Variants in BCAS3 observed in about 807,000 individuals in gnomAD.
BCAS3 encodes BCAS4/BCAS3 fusion.
In BCAS3, 53 loss-of-function variants were observed where a neutral mutation model predicts 116.1. That is an observed-to-expected ratio of 0.46 (90% confidence interval 0.37 to 0.57). The LOEUF (loss-of-function observed/expected upper bound fraction) is 0.57, where lower values mean the gene tolerates loss of function less well. Among genes scored for constraint, BCAS3 ranks in the 20% least tolerant of loss-of-function variants. The pLI is 0.00. For synonymous variants in BCAS3, 391 were observed against 408.2 expected (o/e 0.96, Z 0.51); for missense variants, 917 against 1,165.4 (o/e 0.79, Z 3.10).
chr17:61,385,369 CAT>C (rs1401350912), intron 23 of BCAS3, among the ~76,000 whole-genome samples: 13 of 152,242 alleles, frequency 8.5e-5, no homozygotes, highest in African/African-American at 3.1e-4. Flanking sequence ...GTTTGCAGGA[CAT>C]AAGGGCCCTG....
At chr17:61,108,962 C>T (rs1028117521) in intron 22 of BCAS3, among the ~76,000 whole-genome samples, 2 of 151,910 alleles carry the variant, frequency 1.3e-5, no homozygotes, top group East Asian at 1.9e-4. Context: ...CTGAGGTGGG[C>T]GGATCACGAG....
rs4968538 is a variant in BCAS3 at position 61,205,908 on chromosome 17, T to C, written c.2425+121344T>C. 0.89 allele frequency among the ~76,000 whole-genome samples: 134,816 copies of C among 151,888 alleles called. 60,449 individuals carry two copies. Among genetic ancestry groups the C allele is most frequent in the Non-Finnish European group, 0.96 (65,383 of 67,956 alleles). On this transcript the variant is annotated intron_variant, in intron 22 of 23. Transcript: ENST00000407086. The surrounding 1 kb of genome is among the most constrained non-coding windows in gnomAD (Gnocchi z 5.2). ...AAACACAACCAAAAAGACAGCCCTTTTGCTTAGTTAGGAAGATAATTTATG... is the reference window on the plus strand; with the variant it reads ...AAACACAACCAAAAAGACAGCCCTTCTGCTTAGTTAGGAAGATAATTTATG...
At position 61,095,565 on chromosome 17, in the gene BCAS3, C is replaced by CA. The variant is rs1236016151; in HGVS notation, c.2425+11003dup. On this transcript the variant is annotated intron_variant, in intron 22 of 23. Transcript: ENST00000407086. The surrounding 1 kb of genome is among the most constrained non-coding windows in gnomAD (Gnocchi z 4.7). The stretch of plus-strand genomic sequence containing the variant: ...TCATTGCAACCTCTGCCTCCAGGTT[C>CA]AAGTGCTTCTCCTGCCTCAGCCTCC... Among the ~76,000 whole-genome samples the CA allele has an allele frequency of 1.3e-5, 2 of 151,940 alleles. No individual in the cohort carries two copies. The highest frequency in any genetic ancestry group is 2.9e-5 in the Non-Finnish European group (2 of 67,994).
At chr17:60,766,254 G>A (rs994188225) in intron 6 of BCAS3, among the ~76,000 whole-genome samples, 3 of 152,150 alleles carry the variant, frequency 2.0e-5, no homozygotes, top group Non-Finnish European at 4.4e-5. Flanking sequence ...TGATCCTTTG[G>A]TGGAGAAGAA....
Position 60,788,554 on chromosome 17 carries a change from A to G in BCAS3, c.404-19450A>G, listed in dbSNP as rs142258909. Among the ~76,000 whole-genome samples the G allele has an allele frequency of 4.8e-3, 733 of 152,290 alleles. 8 individuals are homozygous for G. The highest frequency in any genetic ancestry group is 7.6e-3 in the Admixed American group (116 of 15,288). On this transcript the variant is annotated intron_variant, in intron 6 of 23. Coordinates refer to ENST00000407086, the MANE Select transcript of BCAS3 (RefSeq NM_017679.5). ...TAAAATGTGCACACATATTTTAGATATTTGAGGGAAATGGCAAAGATGTCT... is the reference window on the plus strand; with the variant it reads ...TAAAATGTGCACACATATTTTAGATGTTTGAGGGAAATGGCAAAGATGTCT...
At chr17:60,862,137 G>GCCATGCCA (rs1244881715) in intron 7 of BCAS3, among the ~76,000 whole-genome samples, 1 of 152,142 alleles carries the variant, frequency 6.6e-6, no homozygotes, top group Non-Finnish European at 1.5e-5. Flanking sequence ...CAAAAAATTA[G>GCCATGCCA]CCGGGCATGG....
chr17:61,089,088 C>T (rs1448647278), intron 22 of BCAS3, among the ~76,000 whole-genome samples: 1 of 152,054 alleles, frequency 6.6e-6, no homozygotes, highest in Non-Finnish European at 1.5e-5. Context: ...TTTTGTTGTT[C>T]TTGACTCAAG....
intron 6 of BCAS3, among the ~76,000 whole-genome samples, chr17:60,785,278 C>A (rs1241021157): frequency 2.6e-5 from 4 of 152,096 alleles, no homozygotes; most frequent in Non-Finnish European, 4.4e-5. Context: ...TGTGCTCCAT[C>A]CTCCTGAGTG....
At chr17:60,948,095 AT>A (rs1343894164) in intron 14 of BCAS3, among the ~76,000 whole-genome samples, 1 of 151,666 alleles carries the variant, frequency 6.6e-6, no homozygotes, top group Non-Finnish European at 1.5e-5. Context: ...TTAATTTTTA[AT>A]TTTTATTTAT....
At chr17:60,811,424 G>T in intron 7 of BCAS3, 1 of 611,728 alleles carries the variant, frequency 1.6e-6, no homozygotes, top group East Asian at 4.2e-5. Flanking sequence ...TGGCAAAGTG[G>T]TGTCTGAGAC....
At chr17:61,078,580 G>A (rs377660908) in intron 21 of BCAS3, 51 bp downstream of exon 21, 38 of 1,461,922 alleles carry the variant, frequency 2.6e-5, no homozygotes, top group South Asian at 1.2e-4. Context: ...TAATATGTTC[G>A]TGTGAAATGA....
At chr17:61,207,470 A>G (rs535742808) in intron 22 of BCAS3, among the ~76,000 whole-genome samples, 22 of 152,272 alleles carry the variant, frequency 1.4e-4, no homozygotes, top group African/African-American at 5.3e-4. Flanking sequence ...CAGTGAATGC[A>G]TGACTAGATT....
At chr17:60,928,901 C>T (rs993378036) in intron 13 of BCAS3, among the ~76,000 whole-genome samples, 1 of 152,176 alleles carries the variant, frequency 6.6e-6, no homozygotes, top group African/African-American at 2.4e-5. Context: ...GGTGTACATA[C>T]ATATACACAC....
intron 22 of BCAS3, among the ~76,000 whole-genome samples, chr17:61,263,284 C>T (rs1481230550): frequency 6.6e-6 from 1 of 152,208 alleles, no homozygotes; most frequent in Admixed American, 6.5e-5. Flanking sequence ...CAGATGGAAC[C>T]GTTATCAGAA....
intron 22 of BCAS3, among the ~76,000 whole-genome samples, chr17:61,165,181 T>C (rs1003568490): frequency 6.6e-6 from 1 of 152,224 alleles, no homozygotes; most frequent in Non-Finnish European, 1.5e-5. Context: ...CAAAGGAAGC[T>C]CTGTTAGGAC....
At chr17:61,350,703 G>A (rs2057788368) in intron 22 of BCAS3, among the ~76,000 whole-genome samples, 1 of 151,174 alleles carries the variant, frequency 6.6e-6, no homozygotes, top group Admixed American at 6.6e-5. Flanking sequence ...TACAATCATG[G>A]CTCACTGCAG....
chr17:60,802,369 TAC>T (rs201087718), intron 6 of BCAS3, among the ~76,000 whole-genome samples: 19,662 of 138,202 alleles, frequency 0.14, 1,748 homozygotes, highest in African/African-American at 0.31. Context: ...CATACATACA[TAC>T]ATATATATAT....
Position 61,381,718 on chromosome 17 carries a change from G to C in BCAS3, c.2594-10259G>C, listed in dbSNP as rs867213588. Among the ~76,000 whole-genome samples, 1 of 152,156 alleles carries C rather than the reference G, an allele frequency of 6.6e-6. No homozygotes were observed. The highest frequency in any genetic ancestry group is 1.9e-4 in the East Asian group (1 of 5,194). On this transcript the variant is annotated intron_variant, in intron 23 of 23. Coordinates refer to ENST00000407086, the MANE Select transcript of BCAS3 (RefSeq NM_017679.5). The surrounding 1 kb of genome is among the most constrained non-coding windows in gnomAD (Gnocchi z 6.0). ...GATTGGTTGGTTCACACCAACTTGC[G>C]TGTGTGTGCCTGTCCCCAGGGCCAG...
At position 61,163,724 on chromosome 17, in the gene BCAS3, C is replaced by T. The variant is rs566607821; in HGVS notation, c.2425+79160C>T. On this transcript the variant is annotated intron_variant, in intron 22 of 23. Transcript: ENST00000407086. ...TCAAATAGCCAGGCACGGTGGCTCA[C>T]GCCTGTAATCCCAGTACTTTGGGAG... Among the ~76,000 whole-genome samples the T allele has an allele frequency of 7.2e-5, 11 of 152,142 alleles. No individual in the cohort carries two copies. The South Asian group carries it at 1.0e-3, about 14-fold the overall frequency.
Sources: gnomAD v4.1 joint callset for allele counts (sites outside exome capture counted in the v4.1 genomes callset) on GRCh38, gnomAD v4.1.1 for gene constraint, Gnocchi (gnomAD v3.1) non-coding constraint, MANE v1.5 for transcripts, NCBI Gene and HGNC (gene_info 2026-07-23, HGNC 2026-07-21) for gene names.